The following PRR16 variants were observed in gnomAD, a reference collection of about 807,000 sequenced individuals.
PRR16 encodes the protein proline rich 16.
A neutral mutation model predicts 18.2 loss-of-function variants in PRR16; 6 were observed. The observed-to-expected ratio is 0.33, with a 90% confidence interval of 0.18 to 0.65. The LOEUF (loss-of-function observed/expected upper bound fraction) is 0.65. Among genes scored for constraint, PRR16 ranks in the 30% least tolerant of loss-of-function variants. The pLI is 0.74. For missense variants in PRR16, 412 were observed against 376.6 expected, an observed-to-expected ratio of 1.09 and a Z score of -0.78; for synonymous variants, 151 against 147.8, an observed-to-expected ratio of 1.02 and a Z score of -0.16.
At chr5:120,711,676 C>G in the PRR16 span, among the ~76,000 whole-genome samples, 1 of 152,292 alleles carries the variant, frequency 6.6e-6, no homozygotes, top group Admixed American at 6.5e-5. Flanking sequence ...CTGCCTGAAG[C>G]TGTGCTGTAC....
At chr5:120,742,531 C>T in the PRR16 span, among the ~76,000 whole-genome samples, 1 of 151,262 alleles carries the variant, frequency 6.6e-6, no homozygotes, top group Non-Finnish European at 1.5e-5. Context: ...TAATTTTAAA[C>T]AAAAAATTCT....
the PRR16 span, among the ~76,000 whole-genome samples, chr5:120,778,793 A>G: frequency 7.9e-5 from 12 of 152,194 alleles, no homozygotes; most frequent in Non-Finnish European, 1.3e-4. Flanking sequence ...CATTTATTTG[A>G]AAGCCAGAGG....
At chr5:120,740,080 C>G in the PRR16 span, among the ~76,000 whole-genome samples, 1 of 152,150 alleles carries the variant, frequency 6.6e-6, no homozygotes, top group Non-Finnish European at 1.5e-5. Flanking sequence ...GAATGACACA[C>G]TAATGGGACA....
chr5:120,598,265 A>T (rs1375464), intron 1 of PRR16, among the ~76,000 whole-genome samples: 13,041 of 150,102 alleles, frequency 0.087, 1,141 homozygotes, highest in African/African-American at 0.24. Context: ...CCTCTTTTTT[A>T]TACAGCATAA....
rs1286649995 is a variant in PRR16 at position 120,579,264 on chromosome 5, A to G, written c.160-106690A>G. 4.0e-5 allele frequency among the ~76,000 whole-genome samples: 6 copies of G among 151,882 alleles called. No homozygotes were observed. The South Asian group carries it at 1.2e-3, about 32-fold the overall frequency. ...GAAGCTCTTTAGTTTAATTAGATCT[A>G]ATTTGTCAATTTTGGCTTTTGCTGC... On this transcript the variant is annotated intron_variant, in intron 1 of 1. Transcript: ENST00000407149.
chr5:120,516,108 AAAACC>A (rs554533064), intron 1 of PRR16, among the ~76,000 whole-genome samples: 37 of 152,242 alleles, frequency 2.4e-4, no homozygotes, highest in African/African-American at 7.7e-4. Context: ...GCTAGAAAGC[AAAACC>A]AAACCAAACC....
chr5:120,550,113 T>A (rs1752205416), intron 1 of PRR16, among the ~76,000 whole-genome samples: 1 of 151,932 alleles, frequency 6.6e-6, no homozygotes, highest in Non-Finnish European at 1.5e-5. Flanking sequence ...ATTAGAAAAA[T>A]GAGATATTGC....
intron 1 of PRR16, among the ~76,000 whole-genome samples, chr5:120,631,279 C>T (rs1371395237): frequency 1.3e-5 from 2 of 152,068 alleles, no homozygotes; most frequent in East Asian, 3.9e-4. Context: ...AGACTTACAT[C>T]GTGAACTTTT....
At chr5:120,474,756 AT>A (rs1749385265) in intron 1 of PRR16, among the ~76,000 whole-genome samples, 1 of 151,976 alleles carries the variant, frequency 6.6e-6, no homozygotes, top group African/African-American at 2.4e-5. Context: ...TTAAATTGGT[AT>A]TTTTTAAGGG....
At chr5:120,729,299 C>G in the PRR16 span, among the ~76,000 whole-genome samples, 1 of 152,152 alleles carries the variant, frequency 6.6e-6, no homozygotes, top group Non-Finnish European at 1.5e-5. Flanking sequence ...GATTCATGCT[C>G]TCCAGCTGTG....
the PRR16 span, among the ~76,000 whole-genome samples, chr5:120,701,745 G>A: frequency 6.6e-6 from 1 of 152,226 alleles, no homozygotes; most frequent in East Asian, 1.9e-4. Context: ...TAGACAGGAG[G>A]GAAAGAAGGA....
intron 1 of PRR16, among the ~76,000 whole-genome samples, chr5:120,489,248 G>T (rs549412683): frequency 1.2e-4 from 18 of 152,232 alleles, no homozygotes; most frequent in African/African-American, 3.1e-4. Flanking sequence ...TGTTGACAGT[G>T]GGGTGTTAAA....
the PRR16 span, among the ~76,000 whole-genome samples, chr5:120,735,526 T>G: frequency 6.6e-6 from 1 of 152,146 alleles, no homozygotes; most frequent in African/African-American, 2.4e-5. Context: ...TAGGTATAAG[T>G]GAGAGCTTAT....
At chr5:120,725,796 A>C in the PRR16 span, among the ~76,000 whole-genome samples, 1 of 152,076 alleles carries the variant, frequency 6.6e-6, no homozygotes, top group Non-Finnish European at 1.5e-5. Context: ...TAAAAAATAA[A>C]ATACTGGGTA....
the PRR16 span, among the ~76,000 whole-genome samples, chr5:120,711,108 T>A: frequency 1.2e-3 from 180 of 152,306 alleles, no homozygotes; most frequent in Middle Eastern, 0.014. Flanking sequence ...ATTCTTTTGT[T>A]ATATTGGTCT....
At chr5:120,788,289 AAAT>A in the PRR16 span, among the ~76,000 whole-genome samples, 1 of 152,040 alleles carries the variant, frequency 6.6e-6, no homozygotes, top group Non-Finnish European at 1.5e-5. Flanking sequence ...ATTTTTAAAC[AAAT>A]AATAGATTGA....
intron 1 of PRR16, among the ~76,000 whole-genome samples, chr5:120,667,610 C>A (rs1756437548): frequency 6.6e-6 from 1 of 151,306 alleles, no homozygotes; most frequent in South Asian, 2.1e-4. Flanking sequence ...AAATTTCCCT[C>A]TACACACTGC....
intron 1 of PRR16, among the ~76,000 whole-genome samples, chr5:120,663,423 G>T (rs1277713862): frequency 6.6e-6 from 1 of 150,816 alleles, no homozygotes; most frequent in Non-Finnish European, 1.5e-5. Context: ...TGTTGAAAAG[G>T]TTAAAAAGGT....
In PRR16 at chr5:120,509,631, T is replaced by C. The variant is rs535437452; in HGVS notation, c.159+44986T>C. Among the ~76,000 whole-genome samples the C allele has an allele frequency of 2.0e-5, 3 of 152,278 alleles. No individual in the cohort carries two copies. The South Asian group carries it at 6.2e-4, about 32-fold the overall frequency. On this transcript the variant is annotated intron_variant, in intron 1 of 1. Coordinates refer to ENST00000407149, the MANE Select transcript of PRR16 (RefSeq NM_001300783.2). Reference sequence around the variant, plus strand: ...GGGTTAAATTTGAGAAGAGGAGCTATAAATTTTAGCCTATCGACTGCTTTC... The same window carrying C: ...GGGTTAAATTTGAGAAGAGGAGCTACAAATTTTAGCCTATCGACTGCTTTC...
Sources: allele counts gnomAD v4.1 joint callset (sites outside exome capture counted in the v4.1 genomes callset), GRCh38; gene constraint gnomAD v4.1.1; transcripts MANE v1.5; gene names NCBI Gene and HGNC (gene_info 2026-07-23, HGNC 2026-07-21).